The following C16orf74 variants were observed in gnomAD, a reference collection of about 807,000 sequenced individuals.
C16orf74 encodes the protein calcimembrin.
A neutral mutation model predicts 6.5 loss-of-function variants in C16orf74; 10 were observed. That is an observed-to-expected ratio of 1.54 (90% CI 0.95 to 2.61). The LOEUF is 2.61. C16orf74 is among the 30% of genes most tolerant of loss of function. C16orf74 has a pLI of 0.00. For synonymous variants in C16orf74, 60 were observed against 42.5 expected (o/e 1.41, Z -1.60); for missense variants, 141 against 105.9 (o/e 1.33, Z -1.45).
At chr16:85,717,931 G>A (rs2054041329) in intron 2 of C16orf74, among the ~76,000 whole-genome samples, 1 of 152,184 alleles carries the variant, frequency 6.6e-6, no homozygotes, top group Admixed American at 6.5e-5. Flanking sequence ...AGGCTCTGTG[G>A]AGGATGCCCA....
At chr16:85,736,580 G>A (rs1363497782) in intron 1 of C16orf74, among the ~76,000 whole-genome samples, 3 of 152,054 alleles carry the variant, frequency 2.0e-5, no homozygotes, top group African/African-American at 7.2e-5. Context: ...GGGAGGGAAA[G>A]CGAGAGATAC....
intron 2 of C16orf74, among the ~76,000 whole-genome samples, chr16:85,712,162 G>A (rs2053976979): frequency 6.6e-6 from 1 of 152,206 alleles, no homozygotes; most frequent in Non-Finnish European, 1.5e-5. Context: ...ACAGCCACAA[G>A]GGAGCCTCCT....
chr16:85,728,717 A>G (rs1275797141), intron 2 of C16orf74, among the ~76,000 whole-genome samples: 3 of 152,222 alleles, frequency 2.0e-5, no homozygotes, highest in Non-Finnish European at 4.4e-5. Flanking sequence ...CCTATCTCAG[A>G]AAACTCTCGA....
intron 2 of C16orf74, among the ~76,000 whole-genome samples, chr16:85,731,394 C>T (rs997500038): frequency 1.3e-5 from 2 of 152,254 alleles, no homozygotes; most frequent in Admixed American, 6.5e-5. Context: ...AGGGGCAGAG[C>T]TGGGATTTGA....
intron 1 of C16orf74, among the ~76,000 whole-genome samples, chr16:85,745,538 C>T (rs1416609861): frequency 6.6e-6 from 1 of 152,246 alleles, no homozygotes; most frequent in Non-Finnish European, 1.5e-5. Flanking sequence ...CTGTGAGGGA[C>T]AGAAACTCCT....
At chr16:85,739,405 C>G (rs544215478) in intron 1 of C16orf74, among the ~76,000 whole-genome samples, 1 of 152,284 alleles carries the variant, frequency 6.6e-6, no homozygotes, top group African/African-American at 2.4e-5. Flanking sequence ...GTTTGAAAAC[C>G]AGTGATCTGT....
chr16:85,731,291 T>G (rs561422888), intron 2 of C16orf74, among the ~76,000 whole-genome samples: 1 of 152,248 alleles, frequency 6.6e-6, no homozygotes, highest in Admixed American at 6.5e-5. Context: ...TTGTTCAATA[T>G]GTATTAAGAG....
chr16:85,714,481 G>A (rs532927453), intron 2 of C16orf74, among the ~76,000 whole-genome samples: 9 of 151,846 alleles, frequency 5.9e-5, no homozygotes, highest in East Asian at 3.9e-4. Flanking sequence ...ATGCAGTAGC[G>A]TGATCTCGAC....
chr16:85,736,050 T>C (rs2054241125), intron 1 of C16orf74, among the ~76,000 whole-genome samples: 1 of 152,032 alleles, frequency 6.6e-6, no homozygotes, highest in Admixed American at 6.6e-5. Context: ...ATCCCTAGGC[T>C]GGGGCCCCAC....
chr16:85,747,256 G>C (rs1282676888), intron 1 of C16orf74, among the ~76,000 whole-genome samples: 1 of 152,166 alleles, frequency 6.6e-6, no homozygotes, highest in East Asian at 1.9e-4. Context: ...TTTGAGACCA[G>C]CCAGAGCAAT....
intron 1 of C16orf74, among the ~76,000 whole-genome samples, chr16:85,739,744 G>A (rs1347701971): frequency 6.6e-6 from 1 of 152,176 alleles, no homozygotes; most frequent in Non-Finnish European, 1.5e-5. Flanking sequence ...GGAGGCTACA[G>A]TGAGACGTGA....
At position 85,748,197 on chromosome 16, in the gene C16orf74, T is replaced by G. The variant is rs533384380; in HGVS notation, c.-19+2729A>C. On this transcript the variant is annotated intron_variant, in intron 1 of 3. Coordinates refer to ENST00000284245, the MANE Select transcript of C16orf74 (RefSeq NM_206967.3). ...ATATATACACATACATACATTGGTT[T>G]CATCTGGAAAGGTGGGACAACTGAA... Among the ~76,000 whole-genome samples the G allele has an allele frequency of 2.0e-5, 3 of 151,462 alleles. 1 individual carries two copies. In the South Asian group the frequency reaches 6.3e-4, roughly 32 times the overall value.
intron 1 of C16orf74, among the ~76,000 whole-genome samples, chr16:85,740,665 G>A (rs911814285): frequency 2.0e-5 from 3 of 146,486 alleles, no homozygotes; most frequent in South Asian, 2.2e-4. Flanking sequence ...GCACTCCAGC[G>A]TGGGGCACAG....
chr16:85,732,223 C>A (rs182990633), intron 2 of C16orf74, among the ~76,000 whole-genome samples: 3 of 152,334 alleles, frequency 2.0e-5, no homozygotes, highest in African/African-American at 7.2e-5. Context: ...CCTGCTCACA[C>A]CTGGATGTCA....
At chr16:85,718,436 G>A (rs894718708) in intron 2 of C16orf74, among the ~76,000 whole-genome samples, 2 of 152,158 alleles carry the variant, frequency 1.3e-5, no homozygotes, top group African/African-American at 2.4e-5. Flanking sequence ...ATGGGACCAC[G>A]CCCTCTTCCC....
intron 3 of C16orf74, among the ~76,000 whole-genome samples, chr16:85,709,302 TGA>T (rs2053943699): frequency 6.6e-6 from 1 of 152,086 alleles, no homozygotes; most frequent in African/African-American, 2.4e-5. Flanking sequence ...TGCAGTGAGC[TGA>T]GAGTGCACCA....
chr16:85,745,742 G>C (rs2054366641), intron 1 of C16orf74, among the ~76,000 whole-genome samples: 1 of 145,296 alleles, frequency 6.9e-6, no homozygotes, highest in African/African-American at 2.6e-5. Context: ...GAGGGACCCT[G>C]CTCACTGCCT....
At chr16:85,717,996 C>T (rs764013107) in intron 2 of C16orf74, among the ~76,000 whole-genome samples, 3 of 152,232 alleles carry the variant, frequency 2.0e-5, no homozygotes, top group South Asian at 2.1e-4. Context: ...AACTCCCGGC[C>T]GCCCAGAGGT....
At chr16:85,724,795 G>C (rs1393298853) in intron 2 of C16orf74, among the ~76,000 whole-genome samples, 2 of 152,206 alleles carry the variant, frequency 1.3e-5, no homozygotes, top group African/African-American at 4.8e-5. Context: ...TTGTTGCGTG[G>C]TCTGTGTGTG....
Sources: gnomAD v4.1 joint callset for allele counts (sites outside exome capture counted in the v4.1 genomes callset) on GRCh38, gnomAD v4.1.1 for gene constraint, MANE v1.5 for transcripts, NCBI Gene and HGNC (gene_info 2026-07-23, HGNC 2026-07-21) for gene names.